TMTC2: variants seen among roughly 807,000 people sequenced by gnomAD.
TMTC2 encodes the protein transmembrane O-mannosyltransferase targeting cadherins 2, also known as protein O-mannosyl-transferase TMTC2.
Under a neutral mutation model 82.4 loss-of-function variants are expected in TMTC2, and 43 were observed. That is an observed-to-expected ratio of 0.52 (90% CI 0.41 to 0.67). The LOEUF (loss-of-function observed/expected upper bound fraction) is 0.67. TMTC2 is among the 30% of genes least tolerant of loss of function. The pLI is 0.00. For missense variants in TMTC2, 919 were observed against 1,012.4 expected (o/e 0.91, Z 1.25); for synonymous variants, 408 against 381.9 (o/e 1.07, Z -0.80).
chr12:82,922,683 A>C (rs953907398), intron 3 of TMTC2, among the ~76,000 whole-genome samples: 11 of 152,218 alleles, frequency 7.2e-5, no homozygotes, highest in Non-Finnish European at 1.5e-4. Flanking sequence ...GATTTAAAAT[A>C]TACCTTTGAT....
intron 4 of TMTC2, among the ~76,000 whole-genome samples, chr12:82,953,514 A>G (rs1179277390): frequency 6.6e-6 from 1 of 152,222 alleles, no homozygotes; most frequent in Non-Finnish European, 1.5e-5. Context: ...GTACCGTGCT[A>G]TTAAATTATC....
chr12:83,069,312 A>G (rs1292553175), intron 11 of TMTC2, among the ~76,000 whole-genome samples: 3 of 152,192 alleles, frequency 2.0e-5, no homozygotes, highest in Non-Finnish European at 4.4e-5. Context: ...CATTCCCACC[A>G]GCAGTGTAGA....
intron 1 of TMTC2, among the ~76,000 whole-genome samples, chr12:82,691,892 G>A (rs981575814): frequency 1.3e-5 from 2 of 152,134 alleles, no homozygotes; most frequent in African/African-American, 4.8e-5. Flanking sequence ...CAGAAGTATG[G>A]TCTTACTCTT....
At chr12:82,774,336 A>G (rs1311150931) in intron 1 of TMTC2, among the ~76,000 whole-genome samples, 1 of 152,104 alleles carries the variant, frequency 6.6e-6, no homozygotes, top group Non-Finnish European at 1.5e-5. Flanking sequence ...ATTTTTGTGT[A>G]ATGTCCAGGT....
intron 1 of TMTC2, among the ~76,000 whole-genome samples, chr12:82,724,787 A>G (rs985069636): frequency 6.6e-6 from 1 of 152,196 alleles, no homozygotes; most frequent in Non-Finnish European, 1.5e-5. Context: ...GAATAATGTT[A>G]CTGTCTTATA....
At chr12:83,124,637 C>T (rs779817572) in intron 11 of TMTC2, among the ~76,000 whole-genome samples, 5 of 149,598 alleles carry the variant, frequency 3.3e-5, no homozygotes, top group South Asian at 2.1e-4. Context: ...GAGCAGTCTA[C>T]GATAAGGAAT....
At chr12:82,954,198 C>G (rs890595170) in intron 4 of TMTC2, among the ~76,000 whole-genome samples, 1 of 152,152 alleles carries the variant, frequency 6.6e-6, no homozygotes, top group Admixed American at 6.5e-5. Context: ...ATGCTATCCT[C>G]TGTAACTCTT....
At chr12:82,798,250 C>A (rs373883950) in intron 1 of TMTC2, among the ~76,000 whole-genome samples, 1 of 148,722 alleles carries the variant, frequency 6.7e-6, no homozygotes, top group African/African-American at 2.4e-5. Context: ...CCACCACGCC[C>A]GGCCACCTAA....
At chr12:82,734,460 TC>T (rs1874986086) in intron 1 of TMTC2, among the ~76,000 whole-genome samples, 1 of 152,154 alleles carries the variant, frequency 6.6e-6, no homozygotes, top group African/African-American at 2.4e-5. Flanking sequence ...GTGCCAACCC[TC>T]CCTCCACCTT....
chr12:83,059,611 T>C (rs1382433868), intron 10 of TMTC2, among the ~76,000 whole-genome samples: 1 of 151,816 alleles, frequency 6.6e-6, no homozygotes, highest in African/African-American at 2.4e-5. Flanking sequence ...TACTTCTAGC[T>C]TAAGAAATTA....
At chr12:83,019,174 A>G (rs1443353867) in intron 8 of TMTC2, among the ~76,000 whole-genome samples, 1 of 151,928 alleles carries the variant, frequency 6.6e-6, no homozygotes, top group Non-Finnish European at 1.5e-5. Flanking sequence ...AAAAAAACAT[A>G]CACATTAATT....
At chr12:82,728,892 G>A (rs1874605320) in intron 1 of TMTC2, among the ~76,000 whole-genome samples, 1 of 152,242 alleles carries the variant, frequency 6.6e-6, no homozygotes, top group Admixed American at 6.5e-5. Context: ...GCACTGGGCA[G>A]TGAGGAGCTT....
Position 82,857,202 on chromosome 12 carries a change from C to T in TMTC2, c.276C>T (p.Val92=), listed in dbSNP as rs1177001007. 1 of 1,614,180 alleles carries T rather than the reference C, an allele frequency of 6.2e-7. No homozygotes were observed. The highest frequency in any genetic ancestry group is 1.7e-5 in the Admixed American group (1 of 60,018). Residue 92 remains valine, a synonymous_variant, in exon 2 of 12, where the codon GTC becomes GTT. Coordinates refer to ENST00000321196, the MANE Select transcript of TMTC2 (RefSeq NM_152588.3). ...LNPWSYHLVN[V]LLHAAVTGLF... ...CCTGGAGCTACCATCTTGTCAATGT[C>T]CTGTTGCATGCAGCAGTCACTGGTC...
rs184556890 is a variant in TMTC2, at chr12:82,854,854, C to T, written c.84-2156C>T. 2.7e-3 allele frequency among the ~76,000 whole-genome samples: 404 copies of T among 152,176 alleles called. 2 individuals are homozygous for T. The highest frequency in any genetic ancestry group is 4.4e-3 in the Non-Finnish European group (297 of 68,000). Reference sequence around the variant, plus strand: ...TTGTATATAATCATCAACTTCTGATCGGCCTATTTTAATTCTAACCCCAAA... The same window carrying T: ...TTGTATATAATCATCAACTTCTGATTGGCCTATTTTAATTCTAACCCCAAA... On this transcript the variant is annotated intron_variant, in intron 1 of 11. Coordinates refer to ENST00000321196, the MANE Select transcript of TMTC2 (RefSeq NM_152588.3).
intron 1 of TMTC2, among the ~76,000 whole-genome samples, chr12:82,754,867 A>C (rs751360797): frequency 3.9e-5 from 6 of 152,222 alleles, no homozygotes; most frequent in Admixed American, 6.5e-5. Context: ...TGATTTTCTC[A>C]AAGTGCAGTA....
intron 1 of TMTC2, among the ~76,000 whole-genome samples, chr12:82,784,087 C>A (rs1878046862): frequency 2.0e-5 from 3 of 151,624 alleles, no homozygotes; most frequent in Non-Finnish European, 4.4e-5. Flanking sequence ...TTTTTTTTAA[C>A]CAGTTCACAT....
chr12:82,878,184 T>C (rs1337684579), intron 2 of TMTC2, among the ~76,000 whole-genome samples: 1 of 152,242 alleles, frequency 6.6e-6, no homozygotes, highest in Non-Finnish European at 1.5e-5. Flanking sequence ...GTCTAGTTGC[T>C]ATGGATAGTA....
chr12:82,706,416 A>C (rs1405494936), intron 1 of TMTC2, among the ~76,000 whole-genome samples: 1 of 151,908 alleles, frequency 6.6e-6, no homozygotes, highest in Non-Finnish European at 1.5e-5. Flanking sequence ...AAGGGAATAA[A>C]GCTGGAGGAT....
intron 11 of TMTC2, among the ~76,000 whole-genome samples, chr12:83,131,471 A>G (rs552943327): frequency 6.6e-6 from 1 of 152,324 alleles, no homozygotes; most frequent in African/African-American, 2.4e-5. Flanking sequence ...TGAAAATTCT[A>G]TGAGAATTAC....
Sources: allele counts gnomAD v4.1 joint callset (sites outside exome capture counted in the v4.1 genomes callset), GRCh38; gene constraint gnomAD v4.1.1; transcripts MANE v1.5; gene names NCBI Gene and HGNC (gene_info 2026-07-23, HGNC 2026-07-21).